Variants in CADPS2 observed in about 807,000 individuals in gnomAD.
CADPS2 encodes calcium dependent secretion activator 2.
In CADPS2, 93 loss-of-function variants were observed where a neutral mutation model predicts 172.5. That is an observed-to-expected ratio of 0.54 (90% CI 0.46 to 0.64). The LOEUF (loss-of-function observed/expected upper bound fraction) is 0.64. Among genes scored for constraint, CADPS2 ranks in the 30% least tolerant of loss-of-function variants. The pLI is 0.00. For synonymous variants in CADPS2, 546 were observed against 555.2 expected, an observed-to-expected ratio of 0.98 and a Z score of 0.23; for missense variants, 1,420 against 1,565.9, an observed-to-expected ratio of 0.91 and a Z score of 1.57.
intron 6 of CADPS2, among the ~76,000 whole-genome samples, chr7:122,596,971 G>C (rs963740217): frequency 6.6e-6 from 1 of 152,068 alleles, no homozygotes; most frequent in Non-Finnish European, 1.5e-5. Context: ...AAGGCAAAGG[G>C]GAGCTGGCAT....
At chr7:122,863,418 C>T (rs1280664843) in intron 1 of CADPS2, among the ~76,000 whole-genome samples, 2 of 152,002 alleles carry the variant, frequency 1.3e-5, no homozygotes, top group African/African-American at 2.4e-5. Flanking sequence ...TTTCTAGAAT[C>T]CCTAGACCCT....
In CADPS2 at chr7:122,445,470, ATTAT is replaced by A. The variant is rs538472055; in HGVS notation, c.2289-3899_2289-3896del. ...ATTTTTTATTGTTATTGTAAATGAT[ATTAT>A]TTAATTTCAATTTCTGATTGTTGCC... On this transcript the variant is annotated intron_variant, in intron 15 of 29. Transcript: ENST00000449022. 2.2e-3 allele frequency among the ~76,000 whole-genome samples: 340 copies of A among 152,158 alleles called. 1 individual carries two copies. The highest frequency in any genetic ancestry group is 7.8e-3 in the African/African-American group (326 of 41,544).
chr7:122,698,996 G>T, intron 2 of CADPS2: 2 of 1,059,786 alleles, frequency 1.9e-6, no homozygotes, highest in Non-Finnish European at 1.4e-6. Context: ...ATAACGAAGA[G>T]AAAAAAATCT....
intron 6 of CADPS2, among the ~76,000 whole-genome samples, chr7:122,584,973 A>G (rs2069427925): frequency 6.6e-6 from 1 of 151,950 alleles, no homozygotes; most frequent in Non-Finnish European, 1.5e-5. Flanking sequence ...TTATGGGTAC[A>G]TTATTGTATT....
intron 13 of CADPS2, among the ~76,000 whole-genome samples, chr7:122,472,618 C>T (rs2056126355): frequency 6.6e-6 from 1 of 152,120 alleles, no homozygotes. Flanking sequence ...TGGCGGTCAA[C>T]AACAAAATCA....
intron 8 of CADPS2, among the ~76,000 whole-genome samples, chr7:122,527,617 A>AGAGAGAGAGAGT: frequency 1.1e-4 from 9 of 83,806 alleles, no homozygotes; most frequent in Non-Finnish European, 2.1e-4. Flanking sequence ...AGAGAGAGAG[A>AGAGAGAGAGAGT]GTGTGTGTGT....
At chr7:122,818,379 ATTC>A (rs1160237504) in intron 1 of CADPS2, among the ~76,000 whole-genome samples, 1 of 152,060 alleles carries the variant, frequency 6.6e-6, no homozygotes, top group African/African-American at 2.4e-5. Flanking sequence ...GATCTAAATA[ATTC>A]TTGTCGTAAA....
chr7:122,616,145 G>T (rs547698691), intron 5 of CADPS2, among the ~76,000 whole-genome samples: 1 of 151,944 alleles, frequency 6.6e-6, no homozygotes, highest in Non-Finnish European at 1.5e-5. Flanking sequence ...ATCAAAAGTT[G>T]CATCATGAAC....
intron 7 of CADPS2, among the ~76,000 whole-genome samples, chr7:122,564,372 G>A (rs113388353): frequency 0.2 from 30,438 of 152,066 alleles, 4,050 homozygotes; most frequent in Non-Finnish European, 0.3. Flanking sequence ...GCAGTGGCAT[G>A]ATCTTGGCTC....
At chr7:122,330,928 G>A (rs1417768913) in intron 28 of CADPS2, 1 of 152,196 alleles carries the variant, frequency 6.6e-6, no homozygotes, top group Non-Finnish European at 1.5e-5. Context: ...ATGTGGGGTA[G>A]ATTATATGAA....
chr7:122,474,240 C>T (rs1280618723), intron 13 of CADPS2, 141 bp downstream of exon 13: 1 of 885,614 alleles, frequency 1.1e-6, no homozygotes, highest in South Asian at 1.8e-5. Flanking sequence ...CTCACTCCCA[C>T]TACCCTTATT....
At chr7:122,805,083 T>A (rs1798493491) in intron 1 of CADPS2, among the ~76,000 whole-genome samples, 1 of 152,216 alleles carries the variant, frequency 6.6e-6, no homozygotes, top group Non-Finnish European at 1.5e-5. Flanking sequence ...AAGAGCCACA[T>A]GAATCACCTT....
At chr7:122,577,752 GACT>G (rs976327137) in intron 7 of CADPS2, among the ~76,000 whole-genome samples, 12 of 152,086 alleles carry the variant, frequency 7.9e-5, no homozygotes, top group Admixed American at 6.6e-4. Context: ...CTTCCAAAGT[GACT>G]ACAATTTTGC....
chr7:122,379,018 C>T lies in CADPS2; in HGVS notation c.3387+350G>A, dbSNP rs537375310. The T allele has an allele frequency of 1.0e-4, 19 of 185,214 alleles. No individual in the cohort carries two copies. The South Asian group carries it at 1.9e-3, about 19-fold the overall frequency. The allele number at this position is 185,214 out of a possible 1,614,324, so 11.5% of individuals were successfully genotyped here. On this transcript the variant is annotated intron_variant, in intron 25 of 29. Coordinates refer to ENST00000449022, the MANE Select transcript of CADPS2 (RefSeq NM_017954.11). ...TAGAGCCTTAGTGCCATCGCCACTA[C>T]AGATGGGCTAAATTCAAGGACTGAT... is the stretch of plus-strand genomic sequence containing the variant.
At chr7:122,609,149 T>C (rs935942497) in intron 6 of CADPS2, among the ~76,000 whole-genome samples, 1 of 152,172 alleles carries the variant, frequency 6.6e-6, no homozygotes, top group African/African-American at 2.4e-5. Flanking sequence ...CATAGGGTAT[T>C]ACTAGCTCCT....
At chr7:122,774,267 TATACACACACACAC>T (rs1011892198) in intron 1 of CADPS2, among the ~76,000 whole-genome samples, 15 of 119,498 alleles carry the variant, frequency 1.3e-4, no homozygotes, top group African/African-American at 4.8e-4. Context: ...CATAGATAGA[TATACACACACACAC>T]ACACACACAC....
At chr7:122,799,254 T>C (rs554124022) in intron 1 of CADPS2, among the ~76,000 whole-genome samples, 15 of 152,132 alleles carry the variant, frequency 9.9e-5, no homozygotes, top group Middle Eastern at 3.2e-3. Context: ...AGATACAGTA[T>C]TATTCTTTTC....
intron 1 of CADPS2, among the ~76,000 whole-genome samples, chr7:122,810,763 A>T (rs1216721663): frequency 6.6e-5 from 10 of 152,002 alleles, no homozygotes; most frequent in Admixed American, 4.6e-4. Flanking sequence ...GCTAATTTTT[A>T]AAAATTTTTT....
At chr7:122,678,360 G>A (rs2082599466) in intron 2 of CADPS2, among the ~76,000 whole-genome samples, 1 of 152,178 alleles carries the variant, frequency 6.6e-6, no homozygotes, top group South Asian at 2.1e-4. Context: ...CAGCTGCACA[G>A]ACAAAACCAA....
Sources: allele counts gnomAD v4.1 joint callset (sites outside exome capture counted in the v4.1 genomes callset), GRCh38; gene constraint gnomAD v4.1.1; transcripts MANE v1.5; gene names NCBI Gene and HGNC (gene_info 2026-07-23, HGNC 2026-07-21).